Variants in PAK5 observed in about 807,000 individuals in gnomAD.
PAK5 encodes p21 (RAC1) activated kinase 5.
A neutral mutation model predicts 65.9 loss-of-function variants in PAK5; 16 were observed. The ratio of observed to expected loss-of-function variants is 0.24; its 90% CI spans 0.16 to 0.37. PAK5 has a LOEUF of 0.37. Among genes scored for constraint, PAK5 ranks in the 10% least tolerant of loss-of-function variants. The pLI is 1.00. For synonymous variants in PAK5, 371 were observed against 354.9 expected (o/e 1.05, Z -0.51); for missense variants, 785 against 903.9 (o/e 0.87, Z 1.69).
At chr20:9,566,473 G>T in intron 4 of PAK5, 89 bp from the exon 5 acceptor site, 2 of 1,286,420 alleles carry the variant, frequency 1.6e-6, no homozygotes, top group Non-Finnish European at 2.2e-6. Context: ...ACAGCTGGCA[G>T]AATGAGGATC....
At chr20:9,576,311 C>T (rs574530076) in intron 4 of PAK5, among the ~76,000 whole-genome samples, 4 of 152,254 alleles carry the variant, frequency 2.6e-5, no homozygotes, top group South Asian at 4.1e-4. Flanking sequence ...ACTGCCAAAA[C>T]GTGCTTGATA....
chr20:9,763,786 C>A (rs1168932461), intron 1 of PAK5, among the ~76,000 whole-genome samples: 2 of 152,146 alleles, frequency 1.3e-5, no homozygotes, highest in African/African-American at 4.8e-5. Context: ...CACCTAGATT[C>A]TTCAAAGATT....
rs554024959 is a variant in PAK5 at position 9,813,086 on chromosome 20, A to G, written c.-162+25676T>C. On this transcript the variant is annotated intron_variant, in intron 1 of 9. Transcript: ENST00000353224. ...ATAAACTATTGATATAAGCAACAAT[A>G]TAGATGAATCCCAAAATAACTGTGA... is the stretch of plus-strand genomic sequence containing the variant. Among the ~76,000 whole-genome samples, 13 of 152,334 alleles carry G rather than the reference A, an allele frequency of 8.5e-5. No individual in the cohort carries two copies. The South Asian group carries it at 2.7e-3, about 32-fold the overall frequency.
At chr20:9,623,453 A>C (rs2046799382) in intron 3 of PAK5, among the ~76,000 whole-genome samples, 1 of 152,218 alleles carries the variant, frequency 6.6e-6, no homozygotes, top group South Asian at 2.1e-4. Context: ...AGTAATAGGG[A>C]AGAAATGAAA....
intron 3 of PAK5, among the ~76,000 whole-genome samples, chr20:9,588,055 C>G (rs2046101247): frequency 6.6e-6 from 1 of 152,094 alleles, no homozygotes; most frequent in South Asian, 2.1e-4. Context: ...ATTTCTCCAG[C>G]TTAACCAAAA....
At chr20:9,577,861 TTGG>T (rs971502873) in intron 4 of PAK5, among the ~76,000 whole-genome samples, 3 of 152,118 alleles carry the variant, frequency 2.0e-5, no homozygotes, top group Admixed American at 2.0e-4. Context: ...GTTGTTGTTG[TTGG>T]TGGTGGTGAG....
intron 3 of PAK5, among the ~76,000 whole-genome samples, chr20:9,622,126 C>T (rs2046778247): frequency 6.6e-6 from 1 of 152,128 alleles, no homozygotes; most frequent in African/African-American, 2.4e-5. Context: ...CACTCATTAG[C>T]AAAACCAAAA....
At chr20:9,822,290 C>CAAAAAA (rs34256527) in intron 1 of PAK5, among the ~76,000 whole-genome samples, 1 of 116,716 alleles carries the variant, frequency 8.6e-6, no homozygotes, top group African/African-American at 3.3e-5. Flanking sequence ...AGATCTGTCT[C>CAAAAAA]AAAAAAAAAA....
intron 3 of PAK5, among the ~76,000 whole-genome samples, chr20:9,601,679 C>T (rs1166597849): frequency 6.6e-6 from 1 of 152,144 alleles, no homozygotes; most frequent in African/African-American, 2.4e-5. Flanking sequence ...AACTTGGCCA[C>T]GTGTCTTGTT....
rs79411090 is a variant in PAK5, at chr20:9,585,413, T to C, written c.205-4483A>G. On this transcript the variant is annotated intron_variant, in intron 3 of 9. Transcript: ENST00000353224. Reference sequence around the variant, plus strand: ...GTCTAGGTCTCTTTCTATGGTATGCTTTAGACTCTTTTAGGCTAAACAAAA... The same window carrying C: ...GTCTAGGTCTCTTTCTATGGTATGCCTTAGACTCTTTTAGGCTAAACAAAA... Among the ~76,000 whole-genome samples, 456 of 152,336 alleles carry C rather than the reference T, an allele frequency of 3.0e-3. 2 individuals are homozygous for C. Among genetic ancestry groups the C allele is most frequent in the African/African-American group, 0.011 (439 of 41,580 alleles).
intron 1 of PAK5, among the ~76,000 whole-genome samples, chr20:9,718,346 CT>C (rs1391709077): frequency 6.6e-6 from 1 of 152,110 alleles, no homozygotes; most frequent in Non-Finnish European, 1.5e-5. Flanking sequence ...AACTTAGAGA[CT>C]GGAAGGGTTC....
chr20:9,816,360 C>T (rs111963813), intron 1 of PAK5, among the ~76,000 whole-genome samples: 4 of 152,098 alleles, frequency 2.6e-5, no homozygotes, highest in African/African-American at 7.2e-5. Context: ...CATCATGTGT[C>T]GACTTGACTG....
intron 2 of PAK5, among the ~76,000 whole-genome samples, chr20:9,645,086 A>C (rs953656402): frequency 3.3e-5 from 5 of 152,254 alleles, no homozygotes; most frequent in Admixed American, 2.0e-4. Flanking sequence ...CATCTGTCAC[A>C]AAGTAATTAC....
intron 1 of PAK5, among the ~76,000 whole-genome samples, chr20:9,737,470 C>T (rs1338941026): frequency 1.3e-5 from 2 of 152,026 alleles, no homozygotes; most frequent in Admixed American, 1.3e-4. Context: ...TGCCTAAAAA[C>T]AGAGTTTCAA....
chr20:9,744,409 C>T (rs1427564965), intron 1 of PAK5, among the ~76,000 whole-genome samples: 2 of 152,148 alleles, frequency 1.3e-5, no homozygotes, highest in African/African-American at 4.8e-5. Flanking sequence ...CTGGCTTGTG[C>T]TCCTAATGTA....
chr20:9,703,944 G>C (rs538865697), intron 2 of PAK5, among the ~76,000 whole-genome samples: 1 of 152,154 alleles, frequency 6.6e-6, no homozygotes, highest in Non-Finnish European at 1.5e-5. Context: ...TAAGGCACCT[G>C]CTTCAGGTGA....
At chr20:9,793,632 C>A (rs2049073562) in intron 1 of PAK5, among the ~76,000 whole-genome samples, 1 of 151,942 alleles carries the variant, frequency 6.6e-6, no homozygotes, top group African/African-American at 2.4e-5. Context: ...TAATAAGATG[C>A]CATCTCATGC....
chr20:9,651,177 G>A (rs2047198532), intron 2 of PAK5, among the ~76,000 whole-genome samples: 1 of 152,130 alleles, frequency 6.6e-6, no homozygotes, highest in Non-Finnish European at 1.5e-5. Flanking sequence ...AACTGGCTTT[G>A]CCTCCTTTTG....
intron 6 of PAK5, among the ~76,000 whole-genome samples, chr20:9,562,436 C>G (rs2038999354): frequency 6.6e-6 from 1 of 152,258 alleles, no homozygotes; most frequent in South Asian, 2.1e-4. Flanking sequence ...TATTTTAAAA[C>G]AGAATTGCAG....
Sources: allele counts gnomAD v4.1 joint callset (sites outside exome capture counted in the v4.1 genomes callset), GRCh38; gene constraint gnomAD v4.1.1; transcripts MANE v1.5; gene names NCBI Gene and HGNC (gene_info 2026-07-23, HGNC 2026-07-21).